Variants in SEMA3A observed in about 807,000 individuals in gnomAD.
SEMA3A encodes the protein semaphorin-3A.
A neutral mutation model predicts 97.9 loss-of-function variants in SEMA3A; 29 were observed. The ratio of observed to expected loss-of-function variants is 0.30; its 90% CI spans 0.22 to 0.40. The LOEUF is 0.40. SEMA3A is among the 10% of genes least tolerant of loss of function. The probability of loss-of-function intolerance (pLI) is 1.00; values close to 1 mark genes in which losing one functional copy is unlikely to be tolerated. For missense variants in SEMA3A, 763 were observed against 951.3 expected (o/e 0.80, Z 2.60); for synonymous variants, 321 against 323.7 (o/e 0.99, Z 0.09).
At chr7:84,387,947 G>T (rs1220246265) in intron 1 of SEMA3A, among the ~76,000 whole-genome samples, 2 of 152,108 alleles carry the variant, frequency 1.3e-5, no homozygotes, top group Non-Finnish European at 2.9e-5. Context: ...AACCATGTGA[G>T]ATAAGTTTAC....
Position 84,345,504 on chromosome 7 carries a change from G to C in SEMA3A, c.-169+26320C>G, listed in dbSNP as rs539748612. 1.2e-4 allele frequency among the ~76,000 whole-genome samples: 18 copies of C among 152,264 alleles called. No homozygotes were observed. The East Asian group carries it at 3.1e-3, about 26-fold the overall frequency. ...ACACAGTAGAACTTCTTTCAAAATTGGAGTCAATCCTTTCAAATCCTGCCA... is the reference window on the plus strand; with the variant it reads ...ACACAGTAGAACTTCTTTCAAAATTCGAGTCAATCCTTTCAAATCCTGCCA... On this transcript the variant is annotated intron_variant, in intron 2 of 3. Transcript: ENST00000424555.
chr7:83,966,620 C>G (rs1379982774), intron 15 of SEMA3A, among the ~76,000 whole-genome samples: 1 of 152,064 alleles, frequency 6.6e-6, no homozygotes, highest in Non-Finnish European at 1.5e-5. Context: ...CAAGATACAG[C>G]GATACTATTG....
At chr7:84,019,195 T>C (rs926184915) in intron 6 of SEMA3A, among the ~76,000 whole-genome samples, 30 of 139,098 alleles carry the variant, frequency 2.2e-4, no homozygotes, top group African/African-American at 8.5e-4. Context: ...GTAGAGGAGA[T>C]ACTAAGAGAG....
chr7:84,113,211 A>G (rs965773014), intron 3 of SEMA3A, among the ~76,000 whole-genome samples: 5 of 152,220 alleles, frequency 3.3e-5, no homozygotes, highest in Admixed American at 3.3e-4. Flanking sequence ...AAAACAATGG[A>G]GGAGGAAAGT....
intron 15 of SEMA3A, among the ~76,000 whole-genome samples, chr7:83,970,807 TACTC>T (rs1461301791): frequency 1.3e-5 from 2 of 152,172 alleles, no homozygotes; most frequent in African/African-American, 4.8e-5. Context: ...CTCTCAATAA[TACTC>T]AGTGTCAAAG....
intron 3 of SEMA3A, among the ~76,000 whole-genome samples, chr7:84,210,643 A>C (rs772604218): frequency 4.6e-5 from 7 of 152,188 alleles, no homozygotes; most frequent in Non-Finnish European, 8.8e-5. Context: ...CTTTTTAGAA[A>C]ACGGAATATG....
chr7:84,106,656 A>G (rs767290243), intron 4 of SEMA3A, among the ~76,000 whole-genome samples: 1 of 152,180 alleles, frequency 6.6e-6, no homozygotes, highest in Non-Finnish European at 1.5e-5. Flanking sequence ...TTCTTCCTAT[A>G]AGATCCAAAG....
At chr7:84,270,850 A>G (rs557678781) in intron 3 of SEMA3A, among the ~76,000 whole-genome samples, 42 of 151,768 alleles carry the variant, frequency 2.8e-4, no homozygotes, top group Non-Finnish European at 5.4e-4. Flanking sequence ...ATAGGCAGCA[A>G]TTGTGCTTCT....
At chr7:84,376,331 G>A (rs919324920) in intron 1 of SEMA3A, among the ~76,000 whole-genome samples, 5 of 115,328 alleles carry the variant, frequency 4.3e-5, no homozygotes, top group Non-Finnish European at 9.4e-5. Flanking sequence ...GGCCGGGCGC[G>A]GTGGCTCACG....
chr7:84,300,402 G>T (rs918687751), intron 3 of SEMA3A, among the ~76,000 whole-genome samples: 1 of 151,812 alleles, frequency 6.6e-6, no homozygotes, highest in Non-Finnish European at 1.5e-5. Context: ...AATCCCAAAA[G>T]GCATAACATA....
intron 2 of SEMA3A, among the ~76,000 whole-genome samples, chr7:84,321,975 C>T (rs1801660506): frequency 6.7e-6 from 1 of 149,046 alleles, no homozygotes; most frequent in Non-Finnish European, 1.5e-5. Context: ...CACAGACTCA[C>T]AGTTCCGCAT....
At chr7:84,227,630 A>G (rs1170415914) in intron 3 of SEMA3A, among the ~76,000 whole-genome samples, 1 of 152,056 alleles carries the variant, frequency 6.6e-6, no homozygotes, top group Non-Finnish European at 1.5e-5. Context: ...GCATCCTTAC[A>G]GGCATTCTAC....
Position 84,060,527 on chromosome 7 carries a change from A to G in SEMA3A, c.485T>C (p.Phe162Ser). The change falls in exon 5 of 17, where the codon TTT becomes TCT. Residue 162 changes from phenylalanine (F) to serine (S), a missense_variant. Phe to Ser is a radical substitution (Grantham distance 155). Coordinates refer to ENST00000265362, the MANE Select transcript of SEMA3A (RefSeq NM_006080.3). ...DNIFKLENSH[F>S]ENGRGKSPYD... ...TGGACTCTTCCCACGGCCGTTTTCA[A>G]AATGTGAGTTCTCCAGCTTAAAAAT... 3 of 1,596,920 alleles carry G rather than the reference A, an allele frequency of 1.9e-6. No individual in the cohort carries two copies. The highest frequency in any genetic ancestry group is 2.6e-6 in the Non-Finnish European group (3 of 1,174,008).
chr7:83,958,476 AC>A lies in SEMA3A; in HGVS notation c.*2894del, dbSNP rs1788348000. On this transcript the variant is annotated 3_prime_UTR_variant, in exon 17 of 17. Transcript: ENST00000265362. ...ATGCAATGATAAGTAAAGATATGGAACATATTTCCTACCTGGCAAAAAACAT... is the reference window on the plus strand; with the variant it reads ...ATGCAATGATAAGTAAAGATATGGAAATATTTCCTACCTGGCAAAAAACAT... The A allele has an allele frequency of 6.6e-6, 1 of 152,492 alleles. No homozygotes were observed. Among genetic ancestry groups the A allele is most frequent in the Admixed American group, 6.6e-5 (1 of 15,252 alleles). 9.4% of individuals were successfully genotyped at this position (152,492 alleles called of 1,614,324 possible).
At chr7:84,375,788 T>A (rs1209305186) in intron 1 of SEMA3A, among the ~76,000 whole-genome samples, 1 of 152,160 alleles carries the variant, frequency 6.6e-6, no homozygotes, top group East Asian at 1.9e-4. Context: ...CTAGAAATTA[T>A]TTCTCATATT....
At chr7:84,249,845 A>G (rs1355875112) in intron 3 of SEMA3A, among the ~76,000 whole-genome samples, 1 of 151,644 alleles carries the variant, frequency 6.6e-6, no homozygotes, top group Non-Finnish European at 1.5e-5. Context: ...AAGTCAAGTG[A>G]GGTAAAAAAT....
At chr7:84,144,146 A>G (rs1350694303) in intron 1 of SEMA3A, among the ~76,000 whole-genome samples, 2 of 151,880 alleles carry the variant, frequency 1.3e-5, no homozygotes, top group Admixed American at 1.3e-4. Context: ...ACCAGTCAAG[A>G]TATGAAAAAA....
intron 1 of SEMA3A, among the ~76,000 whole-genome samples, chr7:84,372,654 C>G (rs1387588632): frequency 1.3e-5 from 2 of 152,034 alleles, no homozygotes; most frequent in African/African-American, 4.8e-5. Context: ...ATCACCTGAC[C>G]TGAAATTAAA....
At chr7:84,208,374 C>A (rs1233768633) in intron 3 of SEMA3A, among the ~76,000 whole-genome samples, 5 of 150,928 alleles carry the variant, frequency 3.3e-5, no homozygotes, top group Non-Finnish European at 7.4e-5. Context: ...ATGGCGTGAA[C>A]CCGGGAGGCG....
Sources: allele counts gnomAD v4.1 joint callset (sites outside exome capture counted in the v4.1 genomes callset), GRCh38; gene constraint gnomAD v4.1.1; transcripts MANE v1.5; gene names NCBI Gene and HGNC (gene_info 2026-07-23, HGNC 2026-07-21).